The following TOGARAM1 variants were observed in gnomAD, a reference collection of about 807,000 sequenced individuals.
The protein encoded by TOGARAM1 is TOG array regulator of axonemal microtubules protein 1.
TOGARAM1 carries 100 observed loss-of-function variants against 166.6 expected under a neutral mutation model. The ratio of observed to expected loss-of-function variants is 0.60; its 90% CI spans 0.51 to 0.71. The LOEUF (loss-of-function observed/expected upper bound fraction) is 0.71. TOGARAM1 is among the 30% of genes least tolerant of loss of function. The probability of loss-of-function intolerance (pLI) is 0.00; values close to 1 mark genes in which losing one functional copy is unlikely to be tolerated. For synonymous variants in TOGARAM1, 758 were observed against 763.8 expected (o/e 0.99, Z 0.13); for missense variants, 2,029 against 2,102.7 (o/e 0.96, Z 0.69).
chr14:45,051,204 AT>A (rs1325118420), intron 14 of TOGARAM1, among the ~76,000 whole-genome samples: 2 of 152,310 alleles, frequency 1.3e-5, no homozygotes, highest in Non-Finnish European at 2.9e-5. Flanking sequence ...ATCAGTCACA[AT>A]TTTATCAACT....
intron 10 of TOGARAM1, among the ~76,000 whole-genome samples, chr14:45,028,766 T>C (rs1436593681): frequency 6.6e-6 from 1 of 152,162 alleles, no homozygotes; most frequent in Non-Finnish European, 1.5e-5. Flanking sequence ...TTTTTTAAAA[T>C]ATTGAATACA....
intron 1 of TOGARAM1, among the ~76,000 whole-genome samples, chr14:44,966,597 T>C (rs545454769): frequency 1.3e-5 from 2 of 152,306 alleles, no homozygotes; most frequent in African/African-American, 4.8e-5. Flanking sequence ...TTACATATTA[T>C]TTTTTGTTAC....
intron 1 of TOGARAM1, among the ~76,000 whole-genome samples, chr14:44,979,873 G>A (rs1004131586): frequency 2.0e-5 from 3 of 152,132 alleles, no homozygotes; most frequent in African/African-American, 7.2e-5. Context: ...TGCATTCCTG[G>A]CAAGGGAGAT....
chr14:45,065,569 C>T (rs916143221), intron 16 of TOGARAM1, among the ~76,000 whole-genome samples: 7 of 152,150 alleles, frequency 4.6e-5, no homozygotes, highest in East Asian at 1.9e-4. Flanking sequence ...TTTATAGCCA[C>T]GAAAAATATT....
At chr14:45,063,737 C>G (rs982044787) in intron 16 of TOGARAM1, among the ~76,000 whole-genome samples, 3 of 152,114 alleles carry the variant, frequency 2.0e-5, no homozygotes, top group African/African-American at 4.8e-5. Context: ...CTCGGCCTCC[C>G]AAAGTGCTGG....
chr14:45,000,581 A>G (rs961106409), intron 3 of TOGARAM1, among the ~76,000 whole-genome samples: 1 of 152,050 alleles, frequency 6.6e-6, no homozygotes, highest in Middle Eastern at 3.4e-3. Context: ...TATGTACCAC[A>G]TTTTCTTTAT....
chr14:45,026,634 T>C (rs1880857225), intron 8 of TOGARAM1, among the ~76,000 whole-genome samples: 1 of 152,124 alleles, frequency 6.6e-6, no homozygotes, highest in Admixed American at 6.6e-5. Flanking sequence ...CCCCCTCTCC[T>C]TCTTTACTTT....
In TOGARAM1 at chr14:45,006,235, A is replaced by C. The variant is rs1231322657; in HGVS notation, c.2872A>C (p.Asn958His). ...TCTTCCAATTGATCTTTCAGAATTA[A>C]ATTTCAAGGATAAAGATTTGGATCA... ...DSLPIDLSEL[N>H]FKDKDLDQEE... Residue 958 changes from asparagine (N) to histidine (H), a missense_variant, in exon 5 of 20, where the codon AAT becomes CAT. Transcript: ENST00000361462. The C allele has an allele frequency of 6.2e-7, 1 of 1,612,300 alleles. No individual in the cohort carries two copies. The highest frequency in any genetic ancestry group is 2.2e-5 in the East Asian group (1 of 44,864).
chr14:45,049,845 A>AG (rs916417104), intron 14 of TOGARAM1, among the ~76,000 whole-genome samples: 58 of 152,242 alleles, frequency 3.8e-4, no homozygotes, highest in African/African-American at 1.2e-3. Context: ...AAAAAAAAAA[A>AG]GATTTCTTAA....
chr14:45,023,876 G>T (rs577320908), intron 7 of TOGARAM1, among the ~76,000 whole-genome samples: 207 of 152,228 alleles, frequency 1.4e-3, no homozygotes, highest in African/African-American at 4.7e-3. Flanking sequence ...GAGTAGCTGA[G>T]AATACAGGCA....
chr14:45,063,963 A>C (rs1883025301), intron 16 of TOGARAM1, among the ~76,000 whole-genome samples: 1 of 151,862 alleles, frequency 6.6e-6, no homozygotes, highest in Non-Finnish European at 1.5e-5. Flanking sequence ...CCTCACCCCC[A>C]CCACCTTTGA....
rs34166459 is a variant in TOGARAM1, at chr14:44,997,432, A to T, written c.2203+1530A>T. The T allele has an allele frequency of 4.1e-5, 6 of 147,280 alleles. No homozygotes were observed. In the South Asian group the frequency reaches 8.7e-4, roughly 21 times the overall value. The allele number at this position is 147,280 out of a possible 1,614,324, so 9.1% of individuals were successfully genotyped here. On this transcript the variant is annotated intron_variant, in intron 2 of 19. Transcript: ENST00000361462. ...AAAAAAAAAAAAAAAAAAAAAAAAAAGGTGATTGGATTCTGATTATATGTC... is the reference window on the plus strand; with the variant it reads ...AAAAAAAAAAAAAAAAAAAAAAAAATGGTGATTGGATTCTGATTATATGTC...
intron 14 of TOGARAM1, among the ~76,000 whole-genome samples, chr14:45,051,167 T>C (rs78362311): frequency 0.046 from 7,080 of 152,270 alleles, 534 homozygotes; most frequent in African/African-American, 0.16. Flanking sequence ...AAAACCTAGT[T>C]TTTGAGATTA....
chr14:45,006,159 G>A lies in TOGARAM1; in HGVS notation c.2796G>A (p.Val932=). The change falls in exon 5 of 20, where the codon GTG becomes GTA. Residue 932 remains valine, a synonymous_variant. Coordinates refer to ENST00000361462, the MANE Select transcript of TOGARAM1 (RefSeq NM_001308120.2). ...LLPDKADLST[V]GHKKKEPDDI... is the part of the protein sequence containing the mutation. ...CTGATAAAGCTGATTTAAGCACAGT[G>A]GGACACAAAAAGAAAGAGCCTGATG... The A allele has an allele frequency of 6.2e-7, 1 of 1,613,890 alleles. No individual in the cohort carries two copies. Among genetic ancestry groups the A allele is most frequent in the South Asian group, 1.1e-5 (1 of 91,070 alleles).
chr14:45,029,180 A>G (rs1312429868), intron 10 of TOGARAM1, among the ~76,000 whole-genome samples: 1 of 152,188 alleles, frequency 6.6e-6, no homozygotes, highest in East Asian at 1.9e-4. Context: ...AGATGTCCCT[A>G]AAACCCATTA....
intron 1 of TOGARAM1, among the ~76,000 whole-genome samples, chr14:44,973,571 G>A (rs1256134608): frequency 1.3e-5 from 2 of 148,872 alleles, no homozygotes; most frequent in Non-Finnish European, 1.5e-5. Flanking sequence ...TTCTCCTCCA[G>A]TGTACTTTCT....
chr14:45,013,859 A>G lies in TOGARAM1; in HGVS notation c.3238+1784A>G, dbSNP rs541484441. On this transcript the variant is annotated intron_variant, in intron 7 of 19. Transcript: ENST00000361462. ...ATTGTATCTACTTTGTAAAAATGGA[A>G]CCCACTTTTGGAAGAGTATCTTTGG... Among the ~76,000 whole-genome samples the G allele has an allele frequency of 1.5e-4, 23 of 152,284 alleles. No individual in the cohort carries two copies. In the East Asian group the frequency reaches 3.7e-3, roughly 24 times the overall value.
intron 1 of TOGARAM1, among the ~76,000 whole-genome samples, chr14:44,968,451 T>C (rs931313553): frequency 2.6e-5 from 4 of 152,130 alleles, no homozygotes; most frequent in Admixed American, 2.6e-4. Context: ...GGTTTCACCG[T>C]GTTAGCCAGG....
intron 1 of TOGARAM1, among the ~76,000 whole-genome samples, chr14:44,984,204 G>A (rs1357642398): frequency 1.3e-5 from 2 of 152,046 alleles, no homozygotes; most frequent in Non-Finnish European, 2.9e-5. Context: ...AAGTAAGAAA[G>A]TGAGAATATC....
Sources: allele counts gnomAD v4.1 joint callset (sites outside exome capture counted in the v4.1 genomes callset), GRCh38; gene constraint gnomAD v4.1.1; transcripts MANE v1.5; gene names NCBI Gene and HGNC (gene_info 2026-07-23, HGNC 2026-07-21).